Variants in PEX3 observed in about 807,000 individuals in gnomAD.
PEX3 encodes the protein peroxisomal biogenesis factor 3.
Under a neutral mutation model 55.8 loss-of-function variants are expected in PEX3, and 30 were observed. That is an observed-to-expected ratio of 0.54 (90% confidence interval 0.40 to 0.73). PEX3 has a LOEUF of 0.73. Ranked by LOEUF, PEX3 falls within the 30% of genes least tolerant of loss-of-function variation. The pLI, the probability that PEX3 is intolerant of heterozygous loss-of-function variation, is 0.00. For missense variants in PEX3, 351 were observed against 432.8 expected (o/e 0.81, Z 1.68); for synonymous variants, 135 against 148.4 (o/e 0.91, Z 0.66).
At chr6:143,461,676 G>C (rs1779922799) in intron 2 of PEX3, among the ~76,000 whole-genome samples, 1 of 152,180 alleles carries the variant, frequency 6.6e-6, no homozygotes, top group Non-Finnish European at 1.5e-5. Flanking sequence ...GCCAGGTGTG[G>C]TGGCTCACAC....
chr6:143,450,942 A>G lies in PEX3; in HGVS notation c.-101A>G. Reference sequence around the variant, plus strand: ...TTTCGGGAGAGCACAGAACGGGACGACGGCGCTCTTGCTGGGTCATCTGGG... The same window carrying G: ...TTTCGGGAGAGCACAGAACGGGACGGCGGCGCTCTTGCTGGGTCATCTGGG... On this transcript the variant is annotated 5_prime_UTR_variant, in exon 1 of 12. Coordinates refer to ENST00000367591, the MANE Select transcript of PEX3 (RefSeq NM_003630.3). 2 of 913,972 alleles carry G rather than the reference A, an allele frequency of 2.2e-6. No individual in the cohort carries two copies. Among genetic ancestry groups the G allele is most frequent in the Non-Finnish European group, 3.7e-6 (2 of 540,320 alleles). 56.6% of individuals were successfully genotyped at this position (913,972 alleles called of 1,614,324 possible). A position where few individuals can be genotyped will look rare whatever the true frequency, so the allele number is the denominator to read the frequency against.
chr6:143,478,343 A>G (rs375286175), intron 9 of PEX3, among the ~76,000 whole-genome samples: 3 of 152,132 alleles, frequency 2.0e-5, no homozygotes, highest in South Asian at 2.1e-4. Context: ...CAACTATGCA[A>G]ATTTACTCAA....
At chr6:143,480,523 C>T (rs955504991) in intron 10 of PEX3, among the ~76,000 whole-genome samples, 6 of 152,114 alleles carry the variant, frequency 3.9e-5, no homozygotes, top group Non-Finnish European at 7.4e-5. Flanking sequence ...TTTTAAGCCT[C>T]CTCTCAAAAG....
chr6:143,455,102 C>T (rs971295853), intron 1 of PEX3, among the ~76,000 whole-genome samples: 1 of 152,152 alleles, frequency 6.6e-6, no homozygotes, highest in African/African-American at 2.4e-5. Flanking sequence ...ATATTTATTG[C>T]GTTCTGAGTC....
At position 143,453,980 on chromosome 6, in the gene PEX3, T is replaced by C. The variant is rs2128745079; in HGVS notation, c.73+2865T>C. ...AAATTAAGGACCCTCAAAAGCTTTC[T>C]AAATTTTATATCTATTAATAGTTAT... On this transcript the variant is annotated intron_variant, in intron 1 of 11. Transcript: ENST00000367591. The surrounding 1 kb of genome is among the most constrained non-coding windows in gnomAD (Gnocchi z 4.6). 6.6e-6 allele frequency among the ~76,000 whole-genome samples: 1 copy of C among 152,334 alleles called. No homozygotes were observed. Among genetic ancestry groups the C allele is most frequent in the East Asian group, 1.9e-4 (1 of 5,192 alleles).
intron 3 of PEX3, among the ~76,000 whole-genome samples, 191 bp from the exon 4 acceptor site, chr6:143,467,931 A>G (rs1780013491): frequency 6.6e-6 from 1 of 152,134 alleles, no homozygotes; most frequent in South Asian, 2.1e-4. Flanking sequence ...AATATATACC[A>G]GTTAAAGTGG....
In PEX3 at chr6:143,471,399, C is replaced by A; in HGVS notation, c.473C>A (p.Pro158Gln). The change falls in exon 6 of 12, where the codon CCA (proline) becomes CAA (glutamine). Residue 158 changes from proline to glutamine, a missense_variant. Pro to Gln is a moderately conservative substitution (Grantham distance 76). Transcript: ENST00000367591. This position sits in a 1 kb window ranked among gnomAD's most constrained non-coding sequence, Gnocchi z 5.4. ...GKNGTTILAP[P>Q]DVQQQYLSSI... ...TTTATACAGACAATTCTTGCTCCCCCAGATGTCCAACAGCAGTATTTATCA... is the reference window on the plus strand; with the variant it reads ...TTTATACAGACAATTCTTGCTCCCCAAGATGTCCAACAGCAGTATTTATCA... The A allele has an allele frequency of 2.5e-6, 4 of 1,606,606 alleles. No individual in the cohort carries two copies. Among genetic ancestry groups the A allele is most frequent in the Non-Finnish European group, 3.4e-6 (4 of 1,173,588 alleles).
chr6:143,451,243 A>G lies in PEX3; in HGVS notation c.73+128A>G. The stretch of plus-strand genomic sequence containing the variant: ...TAGAGGGAGTTCGATCAACCATGGG[A>G]TGAAAAGGGAGGTGGCCAACCTCCA... On this transcript the variant is annotated intron_variant, in intron 1 of 11. Coordinates refer to ENST00000367591, the MANE Select transcript of PEX3 (RefSeq NM_003630.3). This position sits in a 1 kb window ranked among gnomAD's most constrained non-coding sequence, Gnocchi z 4.1. 2 of 764,224 alleles carry G rather than the reference A, an allele frequency of 2.6e-6. No homozygotes were observed. The highest frequency in any genetic ancestry group is 2.3e-6 in the Non-Finnish European group (1 of 432,214). The allele number at this position is 764,224 out of a possible 1,614,324, so 47.3% of individuals were successfully genotyped here.
At position 143,458,331 on chromosome 6, in the gene PEX3, A is replaced by G. The variant is rs773952837; in HGVS notation, c.74-754A>G. Reference sequence around the variant, plus strand: ...GGTGTTAGAATTTAGGAGTTTCTGTACCCTCTTCCCTCTTTTTTTTCCAGT... The same window carrying G: ...GGTGTTAGAATTTAGGAGTTTCTGTGCCCTCTTCCCTCTTTTTTTTCCAGT... On this transcript the variant is annotated intron_variant, in intron 1 of 11. Coordinates refer to ENST00000367591, the MANE Select transcript of PEX3 (RefSeq NM_003630.3). The surrounding 1 kb of genome is among the most constrained non-coding windows in gnomAD (Gnocchi z 6.1). 1.4e-4 allele frequency among the ~76,000 whole-genome samples: 22 copies of G among 152,036 alleles called. No homozygotes were observed. The highest frequency in any genetic ancestry group is 2.8e-4 in the Non-Finnish European group (19 of 67,986).
rs963093289 is a variant in PEX3 at position 143,487,068 on chromosome 6, A to G, written c.1038+1820A>G. Among the ~76,000 whole-genome samples the G allele has an allele frequency of 1.3e-5, 2 of 152,206 alleles. No individual in the cohort carries two copies. Among genetic ancestry groups the G allele is most frequent in the Non-Finnish European group, 2.9e-5 (2 of 68,012 alleles). On this transcript the variant is annotated intron_variant, in intron 11 of 11. Transcript: ENST00000367591. The surrounding 1 kb of genome is among the most constrained non-coding windows in gnomAD (Gnocchi z 5.3). Reference sequence around the variant, plus strand: ...AGGTAGGAAATGGGAGAATCAGAAAACAATCGAGAAAGGTGGTTTTTCAAA... The same window carrying G: ...AGGTAGGAAATGGGAGAATCAGAAAGCAATCGAGAAAGGTGGTTTTTCAAA...
In PEX3 at chr6:143,450,840, A is replaced by G. The variant is rs770852847; in HGVS notation, c.-203A>G. ...GGCGGCTGCGCGGCGGCAGCGGCAGAAAGCGTAGCTGCTTTGCTGTAGTCC... is the reference window on the plus strand; with the variant it reads ...GGCGGCTGCGCGGCGGCAGCGGCAGGAAGCGTAGCTGCTTTGCTGTAGTCC... On this transcript the variant is annotated 5_prime_UTR_variant, in exon 1 of 12. Transcript: ENST00000367591. 26 of 753,468 alleles carry G rather than the reference A, an allele frequency of 3.5e-5. No individual in the cohort carries two copies. The highest frequency in any genetic ancestry group is 5.6e-5 in the Non-Finnish European group (25 of 443,478). The allele number at this position is 753,468 out of a possible 1,614,324, so 46.7% of individuals were successfully genotyped here. A position where few individuals can be genotyped will look rare whatever the true frequency, so the allele number is the denominator to read the frequency against.
Position 143,487,371 on chromosome 6 carries a change from T to C in PEX3, c.1039-1772T>C, listed in dbSNP as rs73580328. Among the ~76,000 whole-genome samples, 73 of 152,278 alleles carry C rather than the reference T, an allele frequency of 4.8e-4. No homozygotes were observed. Among genetic ancestry groups the C allele is most frequent in the African/African-American group, 1.6e-3 (67 of 41,560 alleles). ...GTTTTATTGGGTGACAGCATGCCCA[T>C]TGGTTTATGTGTTGTTTATGGCTGC... On this transcript the variant is annotated intron_variant, in intron 11 of 11. Transcript: ENST00000367591. The surrounding 1 kb of genome is among the most constrained non-coding windows in gnomAD (Gnocchi z 5.3).
chr6:143,450,905 T>A lies in PEX3; in HGVS notation c.-138T>A, dbSNP rs1583998079. 2 of 830,210 alleles carry A rather than the reference T, an allele frequency of 2.4e-6. No individual in the cohort carries two copies. Among genetic ancestry groups the A allele is most frequent in the East Asian group, 4.8e-5 (2 of 41,282 alleles). The allele number at this position is 830,210 out of a possible 1,614,324, so 51.4% of individuals were successfully genotyped here. A position where few individuals can be genotyped will look rare whatever the true frequency, so the allele number is the denominator to read the frequency against. ...CTCCGGTGACAGTCTCTGCGGAAAGTCACGTTTGTGATTTCGGGAGAGCAC... is the reference window on the plus strand; with the variant it reads ...CTCCGGTGACAGTCTCTGCGGAAAGACACGTTTGTGATTTCGGGAGAGCAC... On this transcript the variant is annotated 5_prime_UTR_variant, in exon 1 of 12. Coordinates refer to ENST00000367591, the MANE Select transcript of PEX3 (RefSeq NM_003630.3).
chr6:143,457,016 T>G (rs1239829731), intron 1 of PEX3, among the ~76,000 whole-genome samples: 1 of 152,196 alleles, frequency 6.6e-6, no homozygotes, highest in Non-Finnish European at 1.5e-5. Flanking sequence ...AGACTCTGAT[T>G]AAAGCAGTGG....
chr6:143,471,671 G>A lies in PEX3; in HGVS notation c.578+60G>A. On this transcript the variant is annotated intron_variant, in intron 7 of 11. Transcript: ENST00000367591. The surrounding 1 kb of genome is among the most constrained non-coding windows in gnomAD (Gnocchi z 5.4). ...GATTCTAATGAGTGAAAGAAAATTA[G>A]AATTGTTCTAGTGAAACCAGTGACT... 1.6e-6 allele frequency: 2 copies of A among 1,213,170 alleles called. No homozygotes were observed. The highest frequency in any genetic ancestry group is 2.5e-6 in the Non-Finnish European group (2 of 816,166). The allele number at this position is 1,213,170 out of a possible 1,614,324, so 75.2% of individuals were successfully genotyped here.
In PEX3 at chr6:143,457,049, CCAAT is replaced by C. The variant is rs1321536728; in HGVS notation, c.74-2032_74-2029del. 2.0e-5 allele frequency among the ~76,000 whole-genome samples: 3 copies of C among 152,248 alleles called. No individual in the cohort carries two copies. The East Asian group carries it at 5.8e-4, about 29-fold the overall frequency. On this transcript the variant is annotated intron_variant, in intron 1 of 11. Transcript: ENST00000367591. ...TGGACCTTCTCCCCAGAGAAACACACCAATCAAATTTACTATTGTTAAAGAAAAA... is the reference window on the plus strand; with the variant it reads ...TGGACCTTCTCCCCAGAGAAACACACCAAATTTACTATTGTTAAAGAAAAA...
In PEX3 at chr6:143,465,160, C is replaced by T. The variant is rs1779975074; in HGVS notation, c.287+2163C>T. On this transcript the variant is annotated intron_variant, in intron 3 of 11. Coordinates refer to ENST00000367591, the MANE Select transcript of PEX3 (RefSeq NM_003630.3). This position sits in a 1 kb window ranked among gnomAD's most constrained non-coding sequence, Gnocchi z 4.7. ...AGGTATTTTAGTGACATTAAAGAGT[C>T]TGGTTGTATTTAACTTGCAGTTGAT... 6.6e-6 allele frequency among the ~76,000 whole-genome samples: 1 copy of T among 151,894 alleles called. No homozygotes were observed. Among genetic ancestry groups the T allele is most frequent in the Non-Finnish European group, 1.5e-5 (1 of 67,838 alleles).
intron 2 of PEX3, among the ~76,000 whole-genome samples, chr6:143,461,695 C>G (rs933027799): frequency 4.6e-5 from 7 of 151,896 alleles, no homozygotes; most frequent in African/African-American, 1.7e-4. Flanking sequence ...ACCTGTAATC[C>G]CAGCACTTTG....
rs1780199778 is a variant in PEX3, at chr6:143,479,353, T to TTCAACTACTA, written c.941+155_941+156insTCAACTACTA. 6.6e-6 allele frequency among the ~76,000 whole-genome samples: 1 copy of TTCAACTACTA among 152,158 alleles called. No individual in the cohort carries two copies. Among genetic ancestry groups the TTCAACTACTA allele is most frequent in the Admixed American group, 6.5e-5 (1 of 15,272 alleles). On this transcript the variant is annotated intron_variant, in intron 10 of 11. Coordinates refer to ENST00000367591, the MANE Select transcript of PEX3 (RefSeq NM_003630.3). The surrounding 1 kb of genome is among the most constrained non-coding windows in gnomAD (Gnocchi z 4.6). ...TCTGTTAAACCAACAACTTCTTCAC[T>TTCAACTACTA]AGCAGAAGCTCCTTCTTGGTTTCAG... is the stretch of plus-strand genomic sequence containing the variant.
Sources: allele counts gnomAD v4.1 joint callset (sites outside exome capture counted in the v4.1 genomes callset), GRCh38; gene constraint gnomAD v4.1.1; non-coding constraint Gnocchi (gnomAD v3.1); transcripts MANE v1.5; gene names NCBI Gene and HGNC (gene_info 2026-07-23, HGNC 2026-07-21).